Variants in IARS1 observed in about 807,000 individuals in gnomAD.
IARS1 encodes the protein isoleucyl-tRNA synthetase 1.
In IARS1, 124 loss-of-function variants were observed where a neutral mutation model predicts 168.2. The observed-to-expected ratio is 0.74, with a 90% CI of 0.64 to 0.86. IARS1 has a LOEUF of 0.86. Ranked by LOEUF, IARS1 falls within the 40% of genes least tolerant of loss-of-function variation. The pLI, the probability that IARS1 is intolerant of heterozygous loss-of-function variation, is 0.00. For missense variants in IARS1, 1,452 were observed against 1,515.8 expected (o/e 0.96, Z 0.70); for synonymous variants, 532 against 529.4 (o/e 1.00, Z -0.07).
intron 20 of IARS1, 156 bp downstream of exon 20, chr9:92,256,524 G>T: frequency 1.4e-6 from 1 of 729,922 alleles, no homozygotes; most frequent in Non-Finnish European, 2.1e-6. Context: ...AAGATATCAC[G>T]ACAATTAACA....
intron 33 of IARS1, among the ~76,000 whole-genome samples, chr9:92,217,408 AG>A (rs1838897249): frequency 7.2e-6 from 1 of 137,990 alleles, no homozygotes; most frequent in East Asian, 2.0e-4. Context: ...GCAGAAGGCA[AG>A]AAATAACTAA....
Position 92,229,140 on chromosome 9 carries a change from AAAAT to A in IARS1, c.3284-18_3284-15del. ...GCAATACTCCACCTAAAAAGCCACAAAAATAACACCTCAATCAGACAAATAAAAC... is the reference window on the plus strand; with the variant it reads ...GCAATACTCCACCTAAAAAGCCACAAAACACCTCAATCAGACAAATAAAAC... On this transcript the variant is annotated splice_polypyrimidine_tract_variant and intron_variant, in intron 30 of 33. Coordinates refer to ENST00000443024, the MANE Select transcript of IARS1 (RefSeq NM_002161.6). 6.2e-7 allele frequency: 1 copy of A among 1,610,142 alleles called. No individual in the cohort carries two copies. The highest frequency in any genetic ancestry group is 1.7e-4 in the Middle Eastern group (1 of 6,048).
intron 12 of IARS1, 49 bp from the exon 13 acceptor site, chr9:92,270,032 G>T: frequency 4.3e-6 from 5 of 1,170,242 alleles, no homozygotes; most frequent in Non-Finnish European, 6.4e-6. Context: ...AGACTAGTAG[G>T]CACTACGGTA....
At chr9:92,293,370 T>C (rs1587924400) in intron 1 of IARS1, 1 of 425,296 alleles carries the variant, frequency 2.4e-6, no homozygotes, top group East Asian at 6.4e-5. Context: ...TGCCTATACA[T>C]AAAGTCACAG....
intron 33 of IARS1, among the ~76,000 whole-genome samples, chr9:92,218,007 T>C (rs904996822): frequency 1.3e-5 from 2 of 152,030 alleles, no homozygotes; most frequent in African/African-American, 2.4e-5. Context: ...TTGATGAACA[T>C]TGATGCAAAA....
intron 13 of IARS1, among the ~76,000 whole-genome samples, chr9:92,269,558 T>C (rs1359213405): frequency 6.6e-6 from 1 of 152,214 alleles, no homozygotes; most frequent in Non-Finnish European, 1.5e-5. Context: ...AAAATGACTA[T>C]TATTGAAGGC....
intron 30 of IARS1, among the ~76,000 whole-genome samples, chr9:92,230,788 GTGATAGC>G (rs781004447): frequency 6.6e-6 from 1 of 152,210 alleles, no homozygotes; most frequent in Non-Finnish European, 1.5e-5. Context: ...TTTAGTCATT[GTGATAGC>G]TGTGTATTAA....
At chr9:92,271,890 A>G (rs1036118944) in intron 10 of IARS1, among the ~76,000 whole-genome samples, 1 of 152,248 alleles carries the variant, frequency 6.6e-6, no homozygotes, top group Admixed American at 6.5e-5. Flanking sequence ...CTCCATATGT[A>G]GCAGAGTATC....
At chr9:92,239,870 G>T (rs1316932756) in intron 30 of IARS1, among the ~76,000 whole-genome samples, 2 of 152,112 alleles carry the variant, frequency 1.3e-5, no homozygotes, top group Non-Finnish European at 1.5e-5. Context: ...TTTTTTCTAT[G>T]GTGTCTGGCT....
At chr9:92,263,618 T>C (rs1831848662) in intron 16 of IARS1, among the ~76,000 whole-genome samples, 1 of 152,166 alleles carries the variant, frequency 6.6e-6, no homozygotes, top group African/African-American at 2.4e-5. Flanking sequence ...TCTGAGAACA[T>C]CAAGGGACAT....
intron 12 of IARS1, among the ~76,000 whole-genome samples, chr9:92,270,599 AGCCTGGACAACATG>A (rs1211300314): frequency 6.6e-6 from 1 of 152,160 alleles, no homozygotes; most frequent in Non-Finnish European, 1.5e-5. Context: ...GTTTGAGACC[AGCCTGGACAACATG>A]GCGAAACCTC....
intron 31 of IARS1, among the ~76,000 whole-genome samples, chr9:92,224,351 C>T (rs948040733): frequency 2.6e-5 from 4 of 152,196 alleles, no homozygotes; most frequent in Admixed American, 1.3e-4. Context: ...TCAGTGCAGC[C>T]GGCTGGTCAT....
At chr9:92,274,299 T>A in intron 10 of IARS1, 127 bp downstream of exon 10, 1 of 662,372 alleles carries the variant, frequency 1.5e-6, no homozygotes, top group East Asian at 2.6e-5. Context: ...TTACAAGCCA[T>A]CTTGCAGGCA....
intron 32 of IARS1, among the ~76,000 whole-genome samples, chr9:92,223,071 G>T (rs1839893330): frequency 6.6e-6 from 1 of 152,106 alleles, no homozygotes; most frequent in Admixed American, 6.5e-5. Context: ...CCTCAGAAAA[G>T]AAAGTAAAAT....
rs907837264 is a variant in IARS1 at position 92,256,090 on chromosome 9, T to G, written c.2137+590A>C. ...TCTGGATTGGGAACAAGTGGTAGAG[T>G]TGGGCTCTGAACCCATGGCTATCCA... On this transcript the variant is annotated intron_variant, in intron 20 of 33. Coordinates refer to ENST00000443024, the MANE Select transcript of IARS1 (RefSeq NM_002161.6). 6.0e-5 allele frequency among the ~76,000 whole-genome samples: 9 copies of G among 151,164 alleles called. No individual in the cohort carries two copies. The South Asian group carries it at 1.9e-3, about 31-fold the overall frequency.
chr9:92,267,490 G>C (rs575863800), intron 14 of IARS1, among the ~76,000 whole-genome samples: 1 of 152,164 alleles, frequency 6.6e-6, no homozygotes, highest in South Asian at 2.1e-4. Context: ...CCAGTAGCTG[G>C]AACTAAGTGG....
At chr9:92,278,007 G>T in intron 8 of IARS1, 84 bp from the exon 9 acceptor site, 1 of 1,317,388 alleles carries the variant, frequency 7.6e-7, no homozygotes, top group Non-Finnish European at 1.1e-6. Flanking sequence ...CTCCCCTCTG[G>T]TTTACTGGCT....
At chr9:92,288,371 C>T in intron 2 of IARS1, 89 bp from the exon 3 acceptor site, 1 of 1,077,558 alleles carries the variant, frequency 9.3e-7, no homozygotes, top group Non-Finnish European at 1.4e-6. Context: ...ATAGTGGAGT[C>T]TTCAAGGAGA....
At chr9:92,220,624 CA>C (rs909346291) in intron 33 of IARS1, among the ~76,000 whole-genome samples, 20 of 151,120 alleles carry the variant, frequency 1.3e-4, no homozygotes, top group African/African-American at 4.6e-4. Context: ...TGTCTCAAAA[CA>C]AACAAACAAA....
Sources: allele counts gnomAD v4.1 joint callset (sites outside exome capture counted in the v4.1 genomes callset), GRCh38; gene constraint gnomAD v4.1.1; transcripts MANE v1.5; gene names NCBI Gene and HGNC (gene_info 2026-07-23, HGNC 2026-07-21).